Variants in KDM4C observed in about 807,000 individuals in gnomAD.
KDM4C encodes lysine demethylase 4C.
In KDM4C, 81 loss-of-function variants were observed where a neutral mutation model predicts 129.3. That is an observed-to-expected ratio of 0.63 (90% CI 0.52 to 0.75). KDM4C has a LOEUF of 0.75. Ranked by LOEUF, KDM4C falls within the 30% of genes least tolerant of loss-of-function variation. KDM4C has a pLI of 0.00. For synonymous variants in KDM4C, 573 were observed against 456.1 expected (o/e 1.26, Z -3.26); for missense variants, 1,457 against 1,304.0 (o/e 1.12, Z -1.81).
intron 1 of KDM4C, among the ~76,000 whole-genome samples, chr9:6,779,818 A>G (rs949221074): frequency 5.9e-5 from 9 of 152,214 alleles, no homozygotes; most frequent in Non-Finnish European, 1.2e-4. Context: ...TTTTACAAAT[A>G]CCAGATGTGC....
At chr9:7,160,973 C>A (rs527298319) in intron 19 of KDM4C, among the ~76,000 whole-genome samples, 1 of 149,104 alleles carries the variant, frequency 6.7e-6, no homozygotes, top group East Asian at 1.9e-4. Context: ...TGTTGAGCTG[C>A]GGTGGGCTCC....
At chr9:7,111,673 G>A (rs1302164267) in intron 18 of KDM4C, among the ~76,000 whole-genome samples, 1 of 152,182 alleles carries the variant, frequency 6.6e-6, no homozygotes, top group Non-Finnish European at 1.5e-5. Context: ...GAAGAGTTCA[G>A]TGTTACTGGC....
At chr9:7,156,681 C>A (rs1301806213) in intron 19 of KDM4C, among the ~76,000 whole-genome samples, 3 of 152,180 alleles carry the variant, frequency 2.0e-5, no homozygotes, top group African/African-American at 7.2e-5. Flanking sequence ...GGTGTTATTT[C>A]TGAGGCCTGT....
intron 4 of KDM4C, chr9:6,819,179 T>G (rs1832612710): frequency 6.6e-6 from 1 of 152,204 alleles, no homozygotes; most frequent in Non-Finnish European, 1.5e-5. Context: ...TTCAGAAAAA[T>G]TGATACAAAA....
At chr9:6,988,726 TG>T (rs1198564192) in intron 11 of KDM4C, among the ~76,000 whole-genome samples, 2 of 152,092 alleles carry the variant, frequency 1.3e-5, no homozygotes, top group Non-Finnish European at 2.9e-5. Flanking sequence ...GGCTCAAAGC[TG>T]TACCTGGAAC....
intron 4 of KDM4C, among the ~76,000 whole-genome samples, chr9:6,819,720 A>G (rs1218644149): frequency 1.3e-5 from 2 of 152,236 alleles, no homozygotes; most frequent in African/African-American, 2.4e-5. Flanking sequence ...GAGTGCATTA[A>G]AGGGCATGAT....
intron 8 of KDM4C, among the ~76,000 whole-genome samples, chr9:6,973,602 C>T (rs1386457292): frequency 6.6e-6 from 1 of 152,082 alleles, no homozygotes; most frequent in African/African-American, 2.4e-5. Context: ...ATATGGTAAC[C>T]TAGAATTTAT....
At chr9:7,059,818 T>G (rs545639470) in intron 17 of KDM4C, among the ~76,000 whole-genome samples, 1 of 152,310 alleles carries the variant, frequency 6.6e-6, no homozygotes, top group South Asian at 2.1e-4. Flanking sequence ...GTTATTTTCA[T>G]AAAAATATTT....
chr9:6,886,367 C>T (rs1341551669), intron 6 of KDM4C, among the ~76,000 whole-genome samples: 2 of 150,388 alleles, frequency 1.3e-5, no homozygotes, highest in African/African-American at 4.9e-5. Flanking sequence ...GGCTGGAGTA[C>T]AGTGGTGCAA....
At chr9:7,018,614 C>G (rs913629583) in intron 15 of KDM4C, among the ~76,000 whole-genome samples, 1 of 152,216 alleles carries the variant, frequency 6.6e-6, no homozygotes. Context: ...ATTAAGAGTT[C>G]TCTGTTCCAT....
At chr9:6,858,133 T>C (rs1321375080) in intron 5 of KDM4C, among the ~76,000 whole-genome samples, 1 of 152,068 alleles carries the variant, frequency 6.6e-6, no homozygotes, top group East Asian at 1.9e-4. Flanking sequence ...ACCTGCTATA[T>C]TGATGGTAGA....
chr9:6,944,138 TA>T (rs987679377), intron 8 of KDM4C, among the ~76,000 whole-genome samples: 29 of 152,216 alleles, frequency 1.9e-4, no homozygotes, highest in Admixed American at 9.2e-4. Context: ...GAAATCCTCT[TA>T]AATGAAATTA....
intron 8 of KDM4C, among the ~76,000 whole-genome samples, chr9:6,894,868 A>G (rs544630814): frequency 3.9e-5 from 6 of 152,232 alleles, no homozygotes; most frequent in Non-Finnish European, 5.9e-5. Flanking sequence ...GCCATGTAAC[A>G]TTAGGAAAGT....
At chr9:6,847,505 C>A (rs180800984) in intron 4 of KDM4C, among the ~76,000 whole-genome samples, 2 of 152,116 alleles carry the variant, frequency 1.3e-5, no homozygotes, top group African/African-American at 4.8e-5. Context: ...GTTCTCCTGC[C>A]TCAGCCTCCC....
At chr9:6,829,020 G>T (rs753656657) in intron 4 of KDM4C, among the ~76,000 whole-genome samples, 10 of 152,190 alleles carry the variant, frequency 6.6e-5, no homozygotes, top group Non-Finnish European at 1.2e-4. Context: ...CAACAAATAT[G>T]TGTGGAGAAT....
chr9:7,009,495 T>TC (rs1313553008), intron 12 of KDM4C, among the ~76,000 whole-genome samples: 4 of 152,156 alleles, frequency 2.6e-5, no homozygotes, highest in African/African-American at 7.2e-5. Flanking sequence ...GATGCTTTTT[T>TC]CCCCCCATCA....
At chr9:6,768,761 C>T (rs1229833411) in intron 1 of KDM4C, among the ~76,000 whole-genome samples, 1 of 151,440 alleles carries the variant, frequency 6.6e-6, no homozygotes, top group African/African-American at 2.4e-5. Context: ...ATGATCTTGA[C>T]ACTTTTTGTT....
intron 3 of KDM4C, 125 bp from the exon 4 acceptor site, chr9:6,814,506 T>C (rs889335736): frequency 2.2e-5 from 12 of 550,554 alleles, no homozygotes; most frequent in Middle Eastern, 8.6e-4. Context: ...TTGTTAGAAT[T>C]GACAACATGC....
chr9:6,947,677 G>A (rs1188591280), intron 8 of KDM4C, among the ~76,000 whole-genome samples: 1 of 151,972 alleles, frequency 6.6e-6, no homozygotes, highest in Non-Finnish European at 1.5e-5. Flanking sequence ...ACTTGAAATT[G>A]TTTCAAATAA....
Sources: gnomAD v4.1 joint callset for allele counts (sites outside exome capture counted in the v4.1 genomes callset) on GRCh38, gnomAD v4.1.1 for gene constraint, MANE v1.5 for transcripts, NCBI Gene and HGNC (gene_info 2026-07-23, HGNC 2026-07-21) for gene names.